TTBK2: variants seen among roughly 807,000 people sequenced by gnomAD.
TTBK2 encodes the protein tau tubulin kinase 2, also known as tau-tubulin kinase 2.
In TTBK2, 28 loss-of-function variants were observed where a neutral mutation model predicts 110.8. The ratio of observed to expected loss-of-function variants is 0.25; its 90% CI spans 0.19 to 0.35. The LOEUF is 0.35. Ranked by LOEUF, TTBK2 falls within the 10% of genes least tolerant of loss-of-function variation. TTBK2 has a pLI of 1.00. For missense variants in TTBK2, 1,369 were observed against 1,500.3 expected (o/e 0.91, Z 1.45); for synonymous variants, 532 against 527.3 (o/e 1.01, Z -0.12).
intron 1 of TTBK2, among the ~76,000 whole-genome samples, chr15:42,889,407 T>G (rs755428704): frequency 2.6e-5 from 4 of 152,174 alleles, no homozygotes; most frequent in Non-Finnish European, 4.4e-5. Context: ...CCCACCTCTA[T>G]ACAGTCCAAT....
rs190249114 is a variant in TTBK2 at position 42,822,453 on chromosome 15, G to A, written c.538-5356C>T. Among the ~76,000 whole-genome samples, 12 of 151,968 alleles carry A rather than the reference G, an allele frequency of 7.9e-5. 1 individual carries two copies. Among genetic ancestry groups the A allele is most frequent in the Admixed American group, 3.9e-4 (6 of 15,266 alleles). ...GAAAACAAAAAAGAAAAAATAAACC[G>A]GGCCTTGAAGGGCTGACAGAATTAC... On this transcript the variant is annotated intron_variant, in intron 6 of 14. Coordinates refer to ENST00000267890, the MANE Select transcript of TTBK2 (RefSeq NM_173500.4).
At chr15:42,916,954 ATTC>A (rs1470033088) in intron 1 of TTBK2, among the ~76,000 whole-genome samples, 1 of 152,188 alleles carries the variant, frequency 6.6e-6, no homozygotes, top group Non-Finnish European at 1.5e-5. Context: ...TAAAATGCTG[ATTC>A]TTGTTTTCAA....
chr15:42,904,929 T>C (rs1231684527), intron 1 of TTBK2, among the ~76,000 whole-genome samples: 2 of 151,940 alleles, frequency 1.3e-5, no homozygotes, highest in African/African-American at 4.8e-5. Flanking sequence ...TGTAGGGCAG[T>C]GGTACAATCT....
Position 42,753,129 on chromosome 15 carries a change from G to A in TTBK2, c.2117C>T (p.Ser706Phe). 6.3e-7 allele frequency: 1 copy of A among 1,598,414 alleles called. No individual in the cohort carries two copies. Among genetic ancestry groups the A allele is most frequent in the African/African-American group, 1.4e-5 (1 of 74,028 alleles). ...CAAGCCAGAGAAGTTTTCCCTTGGAGAGTAAAGTTCCACAGTGGGCTCCAT... is the reference window on the plus strand; with the variant it reads ...CAAGCCAGAGAAGTTTTCCCTTGGAAAGTAAAGTTCCACAGTGGGCTCCAT... The part of the protein sequence containing the change: ...QPMEPTVELY[S>F]PRENFSGLVV... The change falls in exon 14 of 15, where the codon TCT (serine) becomes TTT (phenylalanine). Residue 706 changes from serine (S) to phenylalanine (F), a missense_variant. This residue lies in a region of TTBK2 where 1,097 missense variants were observed against 1,114.7 expected (regional missense o/e 0.98). Coordinates refer to ENST00000267890, the MANE Select transcript of TTBK2 (RefSeq NM_173500.4).
chr15:42,806,878 A>C (rs1288726679), intron 9 of TTBK2, among the ~76,000 whole-genome samples: 1 of 151,998 alleles, frequency 6.6e-6, no homozygotes, highest in East Asian at 1.9e-4. Flanking sequence ...GTGTAGCCCA[A>C]GACAATTCTT....
intron 1 of TTBK2, among the ~76,000 whole-genome samples, chr15:42,888,643 G>C (rs985544563): frequency 1.3e-5 from 2 of 152,126 alleles, no homozygotes; most frequent in African/African-American, 4.8e-5. Context: ...TATTTATACT[G>C]ACCCCATATC....
intron 6 of TTBK2, 91 bp downstream of exon 6, chr15:42,827,837 T>C: frequency 4.0e-6 from 4 of 995,404 alleles, no homozygotes; most frequent in Non-Finnish European, 6.2e-6. Flanking sequence ...TAACATCCAT[T>C]AGGATAAATA....
At chr15:42,798,322 C>T (rs16957168) in intron 9 of TTBK2, 99,294 of 455,944 alleles carry the variant, frequency 0.22, 12,991 homozygotes, top group African/African-American at 0.4. Flanking sequence ...ATGATTCCAA[C>T]GCTTCCCTCT....
chr15:42,910,901 A>C (rs1596051348), intron 1 of TTBK2, among the ~76,000 whole-genome samples: 1 of 151,982 alleles, frequency 6.6e-6, no homozygotes, highest in African/African-American at 2.4e-5. Context: ...AAAATTAGCC[A>C]GGCATGGTGG....
At chr15:42,794,940 T>A in intron 9 of TTBK2, 139 bp from the exon 10 acceptor site, 1 of 980,936 alleles carries the variant, frequency 1.0e-6, no homozygotes, top group African/African-American at 1.6e-5. Context: ...ATTGCGAAAT[T>A]TGAATAGGAA....
chr15:42,784,795 A>G (rs1384766154), intron 10 of TTBK2, among the ~76,000 whole-genome samples: 1 of 152,182 alleles, frequency 6.6e-6, no homozygotes, highest in Admixed American at 6.5e-5. Context: ...GTTTTGAAAG[A>G]AAGTTCATTG....
rs546501520 is a variant in TTBK2, at chr15:42,795,596, T to C, written c.823-795A>G. ...CCCCAGACCTGAAATCAGCACTTCT[T>C]TGGAGGATTTTGCGCAGGTCTGATT... On this transcript the variant is annotated intron_variant, in intron 9 of 14. Coordinates refer to ENST00000267890, the MANE Select transcript of TTBK2 (RefSeq NM_173500.4). 8.5e-5 allele frequency among the ~76,000 whole-genome samples: 13 copies of C among 152,192 alleles called. No individual in the cohort carries two copies. In the East Asian group the frequency reaches 2.3e-3, roughly 27 times the overall value.
intron 11 of TTBK2, among the ~76,000 whole-genome samples, chr15:42,778,413 C>T (rs1169126767): frequency 6.6e-6 from 1 of 151,964 alleles, no homozygotes; most frequent in Non-Finnish European, 1.5e-5. Context: ...CATCTGTAAC[C>T]CCAGCACTTT....
intron 11 of TTBK2, among the ~76,000 whole-genome samples, chr15:42,781,474 T>C (rs1168518411): frequency 2.0e-5 from 3 of 152,172 alleles, no homozygotes; most frequent in Non-Finnish European, 4.4e-5. Context: ...ATTTAGACTA[T>C]TGATGTAAAA....
At chr15:42,804,980 G>C (rs1176633723) in intron 9 of TTBK2, among the ~76,000 whole-genome samples, 1 of 152,208 alleles carries the variant, frequency 6.6e-6, no homozygotes, top group Non-Finnish European at 1.5e-5. Context: ...CAGAATCACA[G>C]ACGTTAAGAT....
chr15:42,888,508 C>T (rs1248976314), intron 1 of TTBK2, among the ~76,000 whole-genome samples: 3 of 152,154 alleles, frequency 2.0e-5, no homozygotes, highest in Non-Finnish European at 4.4e-5. Context: ...CAAAGGCAGG[C>T]TATGCTATAG....
At chr15:42,751,272 T>C (rs1290561422) in intron 14 of TTBK2, among the ~76,000 whole-genome samples, 1 of 152,266 alleles carries the variant, frequency 6.6e-6, no homozygotes, top group African/African-American at 2.4e-5. Flanking sequence ...GATGTAATTT[T>C]GTAACATCAA....
At chr15:42,793,510 C>T (rs1043427205) in intron 10 of TTBK2, among the ~76,000 whole-genome samples, 3 of 152,004 alleles carry the variant, frequency 2.0e-5, no homozygotes, top group African/African-American at 7.2e-5. Flanking sequence ...CTATAAATAG[C>T]CACTGCACTC....
intron 10 of TTBK2, among the ~76,000 whole-genome samples, chr15:42,784,974 T>TAA (rs1890344625): frequency 6.6e-6 from 1 of 152,184 alleles, no homozygotes; most frequent in South Asian, 2.1e-4. Flanking sequence ...GGCCTCTTGA[T>TAA]TGATTTAGTT....
Sources: gnomAD v4.1 joint callset for allele counts (sites outside exome capture counted in the v4.1 genomes callset) on GRCh38, gnomAD v4.1.1 for gene constraint, gnomAD v4.1.1 regional missense constraint, MANE v1.5 for transcripts, NCBI Gene and HGNC (gene_info 2026-07-23, HGNC 2026-07-21) for gene names.